Variants in SRD5A2 observed in about 807,000 individuals in gnomAD.
SRD5A2 encodes the protein 3-oxo-5-alpha-steroid 4-dehydrogenase 2.
A neutral mutation model predicts 27.4 loss-of-function variants in SRD5A2; 30 were observed. The observed-to-expected ratio is 1.10, with a 90% confidence interval of 0.82 to 1.49. The LOEUF (loss-of-function observed/expected upper bound fraction) is 1.49, where lower values mean the gene tolerates loss of function less well. Ranked by LOEUF, SRD5A2 falls within the 40% of genes most tolerant of loss-of-function variation. SRD5A2 has a pLI of 0.00. For synonymous variants in SRD5A2, 141 were observed against 133.6 expected, an observed-to-expected ratio of 1.06 and a Z score of -0.38; for missense variants, 348 against 323.4, an observed-to-expected ratio of 1.08 and a Z score of -0.58.
chr2:31,587,471 T>C, the SRD5A2 span, among the ~76,000 whole-genome samples: 1 of 152,196 alleles, frequency 6.6e-6, no homozygotes, highest in African/African-American at 2.4e-5. Context: ...ATGGCAGCAC[T>C]ATTTACAATA....
chr2:31,575,388 A>G (rs1666936393), intron 1 of SRD5A2, among the ~76,000 whole-genome samples: 1 of 152,252 alleles, frequency 6.6e-6, no homozygotes, highest in East Asian at 1.9e-4. Flanking sequence ...TGGGCAGATG[A>G]GAACTACGTT....
chr2:31,535,403 T>C (rs1482196507), intron 1 of SRD5A2, among the ~76,000 whole-genome samples: 1 of 152,198 alleles, frequency 6.6e-6, no homozygotes, highest in East Asian at 1.9e-4. Context: ...TCCACATCTT[T>C]CCTCTCTTGG....
chr2:31,599,349 C>T, the SRD5A2 span, among the ~76,000 whole-genome samples: 1 of 151,980 alleles, frequency 6.6e-6, no homozygotes, highest in African/African-American at 2.4e-5. Flanking sequence ...CCAATGGCTA[C>T]AGAATATACT....
chr2:31,550,860 T>C (rs941755977), intron 1 of SRD5A2, among the ~76,000 whole-genome samples: 1 of 151,848 alleles, frequency 6.6e-6, no homozygotes, highest in Non-Finnish European at 1.5e-5. Context: ...TTCAACAACA[T>C]GCTAGAAATT....
chr2:31,633,610 T>A, the SRD5A2 span, among the ~76,000 whole-genome samples: 9 of 152,300 alleles, frequency 5.9e-5, no homozygotes, highest in East Asian at 1.4e-3. Context: ...CCGATGTTGA[T>A]GACATCGAAG....
At chr2:31,656,963 A>G in the SRD5A2 span, among the ~76,000 whole-genome samples, 1 of 152,352 alleles carries the variant, frequency 6.6e-6, no homozygotes, top group African/African-American at 2.4e-5. Context: ...AAAATATCTG[A>G]ATAATACTTC....
the SRD5A2 span, among the ~76,000 whole-genome samples, chr2:31,610,593 C>T: frequency 1.8e-4 from 27 of 152,182 alleles, no homozygotes; most frequent in Middle Eastern, 3.4e-3. Context: ...AAGATGCCCA[C>T]GCTTGCCACT....
the SRD5A2 span, among the ~76,000 whole-genome samples, chr2:31,647,684 G>A: frequency 6.6e-6 from 1 of 152,174 alleles, no homozygotes; most frequent in African/African-American, 2.4e-5. Flanking sequence ...AAACGCTGCT[G>A]CCAGTTTTGA....
the SRD5A2 span, among the ~76,000 whole-genome samples, chr2:31,649,089 T>C: frequency 1.3e-5 from 2 of 152,176 alleles, no homozygotes; most frequent in Admixed American, 6.5e-5. Flanking sequence ...AACCCAACCA[T>C]GTTTCTCCAA....
the SRD5A2 span, among the ~76,000 whole-genome samples, chr2:31,616,575 G>A: frequency 6.6e-6 from 1 of 152,158 alleles, no homozygotes; most frequent in South Asian, 2.1e-4. Flanking sequence ...CTTCCATGGG[G>A]CCTGCAGCCC....
In SRD5A2 at chr2:31,522,560, C is replaced by G. The variant is rs538895832; in HGVS notation, c.*3636G>C. The G allele has an allele frequency of 9.9e-6, 2 of 201,756 alleles. No individual in the cohort carries two copies. Among genetic ancestry groups the G allele is most frequent in the East Asian group, 1.5e-4 (2 of 13,176 alleles). 12.5% of individuals were successfully genotyped at this position (201,756 alleles called of 1,614,324 possible). A position where few individuals can be genotyped will look rare whatever the true frequency, so the allele number is the denominator to read the frequency against. On this transcript the variant is annotated 3_prime_UTR_variant, in exon 5 of 5. Transcript: ENST00000622030. The stretch of plus-strand genomic sequence containing the variant: ...CTAAGGTTGATGGGGAGAAATGAGG[C>G]ACAATGCAAATAACACAGAACTCTT...
At chr2:31,588,981 C>T in the SRD5A2 span, among the ~76,000 whole-genome samples, 1 of 152,126 alleles carries the variant, frequency 6.6e-6, no homozygotes, top group African/African-American at 2.4e-5. Flanking sequence ...TGAAAGAATT[C>T]ACAGACCCTT....
intron 1 of SRD5A2, among the ~76,000 whole-genome samples, chr2:31,543,282 A>G (rs559771034): frequency 3.3e-5 from 5 of 152,332 alleles, no homozygotes; most frequent in South Asian, 4.1e-4. Flanking sequence ...TACATCTGCC[A>G]TGCCAAAACT....
At chr2:31,648,774 G>A in the SRD5A2 span, among the ~76,000 whole-genome samples, 1 of 152,132 alleles carries the variant, frequency 6.6e-6, no homozygotes, top group Admixed American at 6.6e-5. Flanking sequence ...TTTCCTCGAG[G>A]CATATAATCT....
At chr2:31,596,088 G>A in the SRD5A2 span, among the ~76,000 whole-genome samples, 1 of 152,128 alleles carries the variant, frequency 6.6e-6, no homozygotes. Context: ...AAAACCCAGA[G>A]CCAACAATAT....
At chr2:31,591,373 A>G in the SRD5A2 span, among the ~76,000 whole-genome samples, 8 of 152,224 alleles carry the variant, frequency 5.3e-5, no homozygotes, top group African/African-American at 1.7e-4. Flanking sequence ...AATGCATATC[A>G]AAACCACAAT....
chr2:31,613,456 C>A, the SRD5A2 span, among the ~76,000 whole-genome samples: 1 of 152,104 alleles, frequency 6.6e-6, no homozygotes, highest in Admixed American at 6.5e-5. Flanking sequence ...ATTAAAACCA[C>A]AATGAGATAT....
the SRD5A2 span, among the ~76,000 whole-genome samples, chr2:31,592,392 T>C: frequency 1.3e-5 from 2 of 152,118 alleles, no homozygotes; most frequent in African/African-American, 4.8e-5. Context: ...TAACCAGCAT[T>C]TGAGAAAACG....
the SRD5A2 span, among the ~76,000 whole-genome samples, chr2:31,602,709 T>C: frequency 7.4e-4 from 113 of 151,794 alleles, 1 homozygote; most frequent in South Asian, 0.023. Flanking sequence ...GAAGAACAGA[T>C]ACATGGAACA....
Sources: allele counts gnomAD v4.1 joint callset (sites outside exome capture counted in the v4.1 genomes callset), GRCh38; gene constraint gnomAD v4.1.1; transcripts MANE v1.5; gene names NCBI Gene and HGNC (gene_info 2026-07-23, HGNC 2026-07-21).